MCUB: variants seen among roughly 807,000 people sequenced by gnomAD.
MCUB encodes the protein calcium uniporter regulatory subunit MCUb, mitochondrial.
Under a neutral mutation model 41.4 loss-of-function variants are expected in MCUB, and 46 were observed. The ratio of observed to expected loss-of-function variants is 1.11; its 90% CI spans 0.88 to 1.42. The LOEUF (loss-of-function observed/expected upper bound fraction) is 1.42. MCUB is among the 40% of genes most tolerant of loss of function. The pLI is 0.00. For synonymous variants in MCUB, 148 were observed against 148.2 expected (o/e 1.00, Z 0.01); for missense variants, 403 against 404.9 (o/e 1.00, Z 0.04).
chr4:109,579,922 T>C (rs1727129765), intron 1 of MCUB, among the ~76,000 whole-genome samples: 1 of 152,236 alleles, frequency 6.6e-6, no homozygotes, highest in Admixed American at 6.5e-5. Context: ...CTAGGGTACA[T>C]GTGCACAACG....
chr4:109,608,635 C>T (rs1479388744), intron 1 of MCUB, among the ~76,000 whole-genome samples: 1 of 151,972 alleles, frequency 6.6e-6, no homozygotes, highest in Non-Finnish European at 1.5e-5. Context: ...TACAGGCATG[C>T]ACCACCACAT....
intron 4 of MCUB, among the ~76,000 whole-genome samples, chr4:109,664,634 C>T (rs1468822114): frequency 6.6e-6 from 1 of 152,002 alleles, no homozygotes; most frequent in Non-Finnish European, 1.5e-5. Flanking sequence ...CTATGTTGTC[C>T]AGGCTGGTAT....
At chr4:109,629,509 T>A (rs1016647509) in intron 1 of MCUB, among the ~76,000 whole-genome samples, 4 of 152,180 alleles carry the variant, frequency 2.6e-5, no homozygotes, top group Non-Finnish European at 5.9e-5. Context: ...TGACACTGTA[T>A]ACCTGGAGAT....
intron 1 of MCUB, among the ~76,000 whole-genome samples, chr4:109,604,610 C>T (rs1025470052): frequency 6.6e-6 from 1 of 152,124 alleles, no homozygotes. Flanking sequence ...CCAGGAAAGG[C>T]TTTCAGTTTT....
intron 1 of MCUB, among the ~76,000 whole-genome samples, chr4:109,625,585 G>A (rs965069827): frequency 3.3e-5 from 5 of 152,160 alleles, no homozygotes; most frequent in Non-Finnish European, 5.9e-5. Flanking sequence ...TAGGTTAGGT[G>A]CATTTTCAGC....
At chr4:109,684,058 C>T (rs1468277266) in intron 5 of MCUB, among the ~76,000 whole-genome samples, 3 of 147,938 alleles carry the variant, frequency 2.0e-5, no homozygotes, top group Non-Finnish European at 3.0e-5. Context: ...TCAAGAGTTC[C>T]TCTTTTCTTT....
chr4:109,620,258 A>C (rs1166089702), intron 1 of MCUB, among the ~76,000 whole-genome samples: 1 of 152,064 alleles, frequency 6.6e-6, no homozygotes, highest in African/African-American at 2.4e-5. Context: ...AGAGGAGCAA[A>C]TCCAGGCACA....
intron 1 of MCUB, among the ~76,000 whole-genome samples, chr4:109,566,327 G>T (rs912234436): frequency 2.0e-5 from 3 of 151,500 alleles, no homozygotes; most frequent in African/African-American, 7.3e-5. Context: ...AAAATAAGCC[G>T]GGCTTGGTGG....
At position 109,624,291 on chromosome 4, in the gene MCUB, A is replaced by G. The variant is rs139728619; in HGVS notation, c.100-34720A>G. Among the ~76,000 whole-genome samples the G allele has an allele frequency of 6.6e-3, 1,001 of 152,344 alleles. 6 individuals are homozygous for G. Among genetic ancestry groups the G allele is most frequent in the African/African-American group, 0.022 (903 of 41,574 alleles). Reference sequence around the variant, plus strand: ...TCATGGACCAAGGCACAATAGCTGCATTCAAAGCACACTATGCCAGGCATT... The same window carrying G: ...TCATGGACCAAGGCACAATAGCTGCGTTCAAAGCACACTATGCCAGGCATT... On this transcript the variant is annotated intron_variant, in intron 1 of 7. Coordinates refer to ENST00000394650, the MANE Select transcript of MCUB (RefSeq NM_017918.5).
chr4:109,577,409 T>C (rs1412657936), intron 1 of MCUB, among the ~76,000 whole-genome samples: 5 of 152,128 alleles, frequency 3.3e-5, no homozygotes, highest in African/African-American at 1.2e-4. Context: ...TATCATGAGC[T>C]TTGTCTCACT....
chr4:109,613,433 A>T (rs1319055612), intron 1 of MCUB, among the ~76,000 whole-genome samples: 1 of 152,098 alleles, frequency 6.6e-6, no homozygotes, highest in Non-Finnish European at 1.5e-5. Context: ...AGGTCCACTC[A>T]CTGGTTGTTG....
At chr4:109,564,595 C>G (rs1209947081) in intron 1 of MCUB, among the ~76,000 whole-genome samples, 1 of 152,168 alleles carries the variant, frequency 6.6e-6, no homozygotes, top group African/African-American at 2.4e-5. Context: ...GAATCCTGGA[C>G]TGAAATCTGT....
chr4:109,585,193 A>G (rs1203756519), intron 1 of MCUB, among the ~76,000 whole-genome samples: 1 of 152,156 alleles, frequency 6.6e-6, no homozygotes, highest in African/African-American at 2.4e-5. Context: ...TTCCTTTACC[A>G]TTAGGCAATG....
chr4:109,671,857 G>A (rs1444993403), intron 4 of MCUB, among the ~76,000 whole-genome samples: 3 of 152,254 alleles, frequency 2.0e-5, no homozygotes, highest in Admixed American at 1.3e-4. Flanking sequence ...GGTCTTTAGT[G>A]TGAGGTTTTA....
intron 1 of MCUB, among the ~76,000 whole-genome samples, chr4:109,594,771 T>C (rs1380595726): frequency 6.6e-6 from 1 of 151,120 alleles, no homozygotes; most frequent in Non-Finnish European, 1.5e-5. Flanking sequence ...TCCGGAAAAA[T>C]TCTCTTTCTT....
chr4:109,582,252 T>G (rs1332323477), intron 1 of MCUB, among the ~76,000 whole-genome samples: 45 of 151,340 alleles, frequency 3.0e-4, no homozygotes, highest in Non-Finnish European at 4.4e-5. Context: ...CTGGAAACCA[T>G]CATTCTCAGC....
rs190343507 is a variant in MCUB, at chr4:109,658,064, G to A, written c.100-947G>A. ...GCTGGCCTTGAACTCCTGAGCTCAA[G>A]CAATCCTCCTGCTTCGGCCTCCCAT... On this transcript the variant is annotated intron_variant, in intron 1 of 7. Transcript: ENST00000394650. Among the ~76,000 whole-genome samples, 5 of 152,346 alleles carry A rather than the reference G, an allele frequency of 3.3e-5. No homozygotes were observed. In the East Asian group the frequency reaches 7.7e-4, roughly 23 times the overall value.
chr4:109,684,450 C>G lies in MCUB; in HGVS notation c.620C>G (p.Ala207Gly). 1 of 1,608,246 alleles carries G rather than the reference C, an allele frequency of 6.2e-7. No homozygotes were observed. Among genetic ancestry groups the G allele is most frequent in the Non-Finnish European group, 8.5e-7 (1 of 1,177,502 alleles). The change falls in exon 6 of 8, where the codon GCT becomes GGT. Residue 207 changes from alanine (A) to glycine (G), a missense_variant. Coordinates refer to ENST00000394650, the MANE Select transcript of MCUB (RefSeq NM_017918.5). ...EQLQPLEQVK[A>G]GIEAHSEAKT... ...TTTTTCATTCCCCCTCAGGTGAAAG[C>G]TGGAATAGAAGCTCATTCGGAAGCC... is the stretch of plus-strand genomic sequence containing the variant.
chr4:109,573,431 C>T (rs553173205), intron 1 of MCUB, among the ~76,000 whole-genome samples: 71 of 145,978 alleles, frequency 4.9e-4, no homozygotes, highest in African/African-American at 1.7e-3. Flanking sequence ...CCAGCCTGAG[C>T]GACAGAGTGA....
Sources: gnomAD v4.1 joint callset for allele counts (sites outside exome capture counted in the v4.1 genomes callset) on GRCh38, gnomAD v4.1.1 for gene constraint, MANE v1.5 for transcripts, NCBI Gene and HGNC (gene_info 2026-07-23, HGNC 2026-07-21) for gene names.